The following CHD2 variants were observed in gnomAD, a reference collection of about 807,000 sequenced individuals.
The protein encoded by CHD2 is chromodomain helicase DNA binding protein 2, also known as ATP-dependent chromatin remodeler CHD2.
CHD2 carries 28 observed loss-of-function variants against 243.9 expected under a neutral mutation model. The ratio of observed to expected loss-of-function variants is 0.11; its 90% CI spans 0.09 to 0.16. The LOEUF (loss-of-function observed/expected upper bound fraction) is 0.16, where lower values mean the gene tolerates loss of function less well. Among genes scored for constraint, CHD2 ranks in the 10% least tolerant of loss-of-function variants. The pLI is 1.00. For synonymous variants in CHD2, 775 were observed against 779.0 expected (o/e 0.99, Z 0.09); for missense variants, 1,386 against 2,209.8 (o/e 0.63, Z 7.47).
At chr15:92,965,826 A>T (rs150542562) in intron 16 of CHD2, among the ~76,000 whole-genome samples, 247 of 152,256 alleles carry the variant, frequency 1.6e-3, no homozygotes, top group African/African-American at 5.7e-3. Flanking sequence ...TAAAACATAG[A>T]GGAAGTAAAT....
chr15:92,917,983 C>G lies in CHD2; in HGVS notation c.63-6338C>G, dbSNP rs574835635. On this transcript the variant is annotated intron_variant, in intron 2 of 38. Transcript: ENST00000394196. ...TTGTTTTGCCAGATTTTGCTTTCAC[C>G]CACAAAAACACTAAGCTCTGCCAAC... Among the ~76,000 whole-genome samples the G allele has an allele frequency of 2.6e-5, 4 of 152,236 alleles. No homozygotes were observed. The South Asian group carries it at 8.3e-4, about 32-fold the overall frequency.
intron 36 of CHD2, among the ~76,000 whole-genome samples, chr15:93,013,928 C>CAAAAAAAAAAAAAAAAAAAAAA: frequency 1.6e-5 from 1 of 64,154 alleles, no homozygotes; most frequent in Non-Finnish European, 2.6e-5. Flanking sequence ...GACTCTGTCT[C>CAAAAAAAAAAAAAAAAAAAAAA]AAAAAAAAAA....
chr15:93,019,224 A>C (rs1244807293), intron 37 of CHD2, among the ~76,000 whole-genome samples: 26 of 152,132 alleles, frequency 1.7e-4, no homozygotes, highest in Admixed American at 1.7e-3. Context: ...ATTTTCAGAG[A>C]CCAGGCACAG....
intron 2 of CHD2, among the ~76,000 whole-genome samples, chr15:92,922,270 T>C (rs1050388574): frequency 3.3e-5 from 5 of 152,200 alleles, no homozygotes; most frequent in African/African-American, 9.6e-5. Flanking sequence ...TCAGTTTTTT[T>C]CGTCATTCAT....
At chr15:92,902,838 G>A (rs984524050) in intron 2 of CHD2, 1 of 152,136 alleles carries the variant, frequency 6.6e-6, no homozygotes, top group Non-Finnish European at 1.5e-5. Context: ...ATGGGTTTTG[G>A]CTCTCTTATG....
At chr15:92,928,636 C>T (rs565294346) in intron 4 of CHD2, among the ~76,000 whole-genome samples, 176 of 152,292 alleles carry the variant, frequency 1.2e-3, no homozygotes, top group Middle Eastern at 3.4e-3. Context: ...TTTTAAAATT[C>T]GCATTAGTTA....
chr15:93,014,792 A>G lies in CHD2; in HGVS notation c.4789A>G (p.Thr1597Ala), dbSNP rs1596458216. ...GGACTCTCTGATATCTCAGTCCCAT[A>G]CCTCACACAACCTTCACCCTCAGAA... is the stretch of plus-strand genomic sequence containing the variant. ...SRDSLISQSH[T>A]SHNLHPQKPH... The change falls in exon 37 of 39, where the codon ACC becomes GCC. Residue 1597 changes from threonine to alanine, a missense_variant. This residue lies in a region of CHD2 where 347 missense variants were observed against 341.6 expected (regional missense o/e 1.02). Coordinates refer to ENST00000394196, the MANE Select transcript of CHD2 (RefSeq NM_001271.4). The G allele has an allele frequency of 6.2e-7, 1 of 1,614,104 alleles. No homozygotes were observed. The highest frequency in any genetic ancestry group is 8.5e-7 in the Non-Finnish European group (1 of 1,180,012).
At chr15:92,916,648 C>G (rs1157304708) in intron 2 of CHD2, among the ~76,000 whole-genome samples, 3 of 152,128 alleles carry the variant, frequency 2.0e-5, no homozygotes, top group African/African-American at 7.2e-5. Flanking sequence ...CCAACTCCCA[C>G]GTTCAAGCGA....
Position 92,900,733 on chromosome 15 carries a change from G to A in CHD2, c.-163G>A, listed in dbSNP as rs1297214636. On this transcript the variant is annotated 5_prime_UTR_variant, in exon 1 of 39. Transcript: ENST00000394196. ...TTTTATTTATTTTTCGTTTTTTAAC[G>A]GAGGATTTTGCCTTTATTTTTAATT... 7 of 396,464 alleles carry A rather than the reference G, an allele frequency of 1.8e-5. No homozygotes were observed. Among genetic ancestry groups the A allele is most frequent in the African/African-American group, 4.1e-5 (2 of 48,340 alleles). The allele number at this position is 396,464 out of a possible 1,614,324, so 24.6% of individuals were successfully genotyped here.
intron 20 of CHD2, chr15:92,978,028 T>TTCA (rs2053932385): frequency 3.4e-6 from 2 of 581,076 alleles, no homozygotes; most frequent in Non-Finnish European, 6.2e-6. Context: ...TCTACTCCTG[T>TTCA]TCATGGCACT....
chr15:93,000,308 A>G (rs2054238324), intron 31 of CHD2, among the ~76,000 whole-genome samples: 1 of 152,128 alleles, frequency 6.6e-6, no homozygotes. Context: ...TTAATGTGGT[A>G]TAGGCCATGT....
intron 2 of CHD2, among the ~76,000 whole-genome samples, chr15:92,903,719 A>C (rs1050587137): frequency 4.6e-5 from 7 of 152,254 alleles, no homozygotes; most frequent in Non-Finnish European, 1.0e-4. Flanking sequence ...GTAACATCAA[A>C]GAATGAAAAC....
At chr15:92,990,499 C>G (rs993146823) in intron 26 of CHD2, among the ~76,000 whole-genome samples, 5 of 152,286 alleles carry the variant, frequency 3.3e-5, no homozygotes, top group Admixed American at 2.6e-4. Context: ...CTTAGTCTGT[C>G]ATTTCGGAAG....
chr15:93,018,713 C>G (rs4500676), intron 37 of CHD2, among the ~76,000 whole-genome samples: 98,686 of 152,112 alleles, frequency 0.65, 34,392 homozygotes, highest in East Asian at 0.98. Context: ...CTGGTGGCTG[C>G]CAGCAGTTCT....
At chr15:92,904,558 C>T (rs926976494) in intron 2 of CHD2, 12 of 1,010,352 alleles carry the variant, frequency 1.2e-5, no homozygotes, top group African/African-American at 1.0e-4. Flanking sequence ...GCGTTTGCTC[C>T]TGGCAGTCTT....
At chr15:92,972,471 C>G (rs2141836338) in intron 19 of CHD2, 54 bp downstream of exon 19, 1 of 1,447,324 alleles carries the variant, frequency 6.9e-7, no homozygotes, top group East Asian at 2.4e-5. Flanking sequence ...TCTCCGCCTC[C>G]CCTCCCCAAC....
At chr15:92,942,056 T>A in intron 8 of CHD2, 101 bp downstream of exon 8, 1 of 1,149,572 alleles carries the variant, frequency 8.7e-7, no homozygotes, top group Non-Finnish European at 1.3e-6. Context: ...TCTACTGCTG[T>A]ATTTGTTGTG....
chr15:92,960,013 T>C (rs1364288840), intron 16 of CHD2, among the ~76,000 whole-genome samples: 1 of 152,218 alleles, frequency 6.6e-6, no homozygotes, highest in South Asian at 2.1e-4. Context: ...TCATGGAAAG[T>C]TTTTCTCCAT....
In CHD2 at chr15:93,009,119, G is replaced by A. The variant is rs72647789; in HGVS notation, c.4414-26G>A. Reference sequence around the variant, plus strand: ...GACTTACTTTCTGCAGATTGTTTATGTCTTTACTCTGTTGTCCTGTTGCAG... The same window carrying A: ...GACTTACTTTCTGCAGATTGTTTATATCTTTACTCTGTTGTCCTGTTGCAG... On this transcript the variant is annotated intron_variant, in intron 34 of 38. Coordinates refer to ENST00000394196, the MANE Select transcript of CHD2 (RefSeq NM_001271.4). 53,243 of 1,610,570 alleles carry A rather than the reference G, an allele frequency of 0.033. 1,038 individuals carry two copies. Among genetic ancestry groups the A allele is most frequent in the Non-Finnish European group, 0.039 (45,926 of 1,177,506 alleles).
Sources: allele counts gnomAD v4.1 joint callset (sites outside exome capture counted in the v4.1 genomes callset), GRCh38; gene constraint gnomAD v4.1.1; regional missense constraint gnomAD v4.1.1; transcripts MANE v1.5; gene names NCBI Gene and HGNC (gene_info 2026-07-23, HGNC 2026-07-21).